Variants in MBNL2 observed in about 807,000 individuals in gnomAD.
MBNL2 encodes muscleblind-like protein 2.
A neutral mutation model predicts 41.9 loss-of-function variants in MBNL2; 17 were observed. The ratio of observed to expected loss-of-function variants is 0.41; its 90% CI spans 0.28 to 0.61. The LOEUF (loss-of-function observed/expected upper bound fraction) is 0.61. Ranked by LOEUF, MBNL2 falls within the 20% of genes least tolerant of loss-of-function variation. The pLI is 0.35. For missense variants in MBNL2, 336 were observed against 505.6 expected (o/e 0.66, Z 3.22); for synonymous variants, 195 against 182.9 (o/e 1.07, Z -0.53).
At chr13:97,382,601 G>C (rs1438425556) in intron 8 of MBNL2, among the ~76,000 whole-genome samples, 1 of 152,030 alleles carries the variant, frequency 6.6e-6, no homozygotes, top group Non-Finnish European at 1.5e-5. Context: ...CCTGCTTCTG[G>C]GTAGCCACCA....
chr13:97,253,495 G>C (rs2046960359), intron 1 of MBNL2, among the ~76,000 whole-genome samples: 1 of 152,090 alleles, frequency 6.6e-6, no homozygotes, highest in Non-Finnish European at 1.5e-5. Context: ...TTGATCCTTT[G>C]AGATAGACAC....
intron 5 of MBNL2, among the ~76,000 whole-genome samples, chr13:97,350,305 T>G (rs2062323452): frequency 6.6e-6 from 1 of 152,188 alleles, no homozygotes; most frequent in Non-Finnish European, 1.5e-5. Context: ...AGTCGTATCT[T>G]TTTGCTGGTG....
At chr13:97,173,322 T>C in the MBNL2 span, among the ~76,000 whole-genome samples, 2 of 152,232 alleles carry the variant, frequency 1.3e-5, no homozygotes, top group African/African-American at 4.8e-5. Flanking sequence ...CCAAGTGCTA[T>C]GTCAGGCAAA....
At chr13:97,256,546 A>C (rs969776116) in intron 1 of MBNL2, among the ~76,000 whole-genome samples, 1 of 152,158 alleles carries the variant, frequency 6.6e-6, no homozygotes, top group African/African-American at 2.4e-5. Context: ...ATCTCCGCCA[A>C]ATGCTGCAGG....
chr13:97,389,211 G>T (rs1185383183), intron 8 of MBNL2, among the ~76,000 whole-genome samples: 1 of 152,198 alleles, frequency 6.6e-6, no homozygotes, highest in Non-Finnish European at 1.5e-5. Context: ...ATTTATGTCT[G>T]TTCGTCAAAT....
rs149873559 is a variant in MBNL2 at position 97,254,189 on chromosome 13, A to G, written c.-604-21443A>G. 1.2e-3 allele frequency among the ~76,000 whole-genome samples: 186 copies of G among 152,310 alleles called. 1 individual carries two copies. Among genetic ancestry groups the G allele is most frequent in the African/African-American group, 4.1e-3 (170 of 41,572 alleles). ...GGCATAAGCCACCATGCCCAGCCCA[A>G]TGCAAATTTTTAAAATATGTAAAAT... On this transcript the variant is annotated intron_variant, in intron 1 of 8. Transcript: ENST00000679496.
the MBNL2 span, among the ~76,000 whole-genome samples, chr13:97,184,874 C>A: frequency 6.6e-6 from 1 of 152,152 alleles, no homozygotes; most frequent in Non-Finnish European, 1.5e-5. Context: ...GACACATATT[C>A]TTTGGCATGT....
intron 4 of MBNL2, among the ~76,000 whole-genome samples, chr13:97,343,778 T>C (rs1017997202): frequency 6.6e-6 from 1 of 152,170 alleles, no homozygotes; most frequent in Non-Finnish European, 1.5e-5. Flanking sequence ...CAGGGGAAAT[T>C]GGAGGATGAG....
chr13:97,174,273 C>G, the MBNL2 span, among the ~76,000 whole-genome samples: 1 of 152,138 alleles, frequency 6.6e-6, no homozygotes, highest in Non-Finnish European at 1.5e-5. Context: ...ACTCTACAGC[C>G]ATACTTTTCA....
chr13:97,239,676 G>C (rs1242332928), intron 1 of MBNL2, among the ~76,000 whole-genome samples: 2 of 152,232 alleles, frequency 1.3e-5, no homozygotes, highest in Non-Finnish European at 2.9e-5. Context: ...GCTGTGGACA[G>C]AGAGAAACTA....
At chr13:97,222,714 A>G (rs1027252005) in intron 1 of MBNL2, among the ~76,000 whole-genome samples, 183 bp downstream of exon 1, 1 of 152,208 alleles carries the variant, frequency 6.6e-6, no homozygotes, top group Non-Finnish European at 1.5e-5. Context: ...CAAAGCTTGA[A>G]TCTATGCCGC....
At chr13:97,282,497 TTGTC>T (rs2053630313) in intron 2 of MBNL2, among the ~76,000 whole-genome samples, 1 of 152,246 alleles carries the variant, frequency 6.6e-6, no homozygotes, top group Admixed American at 6.5e-5. Flanking sequence ...GTTTCTGTTT[TTGTC>T]TGTATATAAA....
chr13:97,206,548 C>A, the MBNL2 span, among the ~76,000 whole-genome samples: 8 of 152,030 alleles, frequency 5.3e-5, no homozygotes, highest in Admixed American at 5.2e-4. Flanking sequence ...ATTTTCTGAG[C>A]ACTAACTCCT....
intron 2 of MBNL2, among the ~76,000 whole-genome samples, chr13:97,289,004 A>T (rs1187703717): frequency 6.6e-6 from 1 of 152,224 alleles, no homozygotes; most frequent in Non-Finnish European, 1.5e-5. Flanking sequence ...GGGAAGGAGA[A>T]AAAGAAAATG....
rs141246935 is a variant in MBNL2 at position 97,301,376 on chromosome 13, G to T, written c.174+24967G>T. Among the ~76,000 whole-genome samples the T allele has an allele frequency of 5.4e-3, 830 of 152,312 alleles. 5 individuals carry two copies. The highest frequency in any genetic ancestry group is 7.6e-3 in the Non-Finnish European group (517 of 68,030). ...GATCCCCAGACTGGGAAGCAGAAGA[G>T]GTGGGATGTATGTTCAGAACTATTT... On this transcript the variant is annotated intron_variant, in intron 2 of 8. Coordinates refer to ENST00000679496, the MANE Select transcript of MBNL2 (RefSeq NM_001382683.1).
chr13:97,186,228 C>T, the MBNL2 span, among the ~76,000 whole-genome samples: 7 of 152,318 alleles, frequency 4.6e-5, no homozygotes, highest in Admixed American at 4.6e-4. Context: ...ACTTATTAGG[C>T]ATGCTACCGT....
chr13:97,185,435 C>T, the MBNL2 span, among the ~76,000 whole-genome samples: 3 of 152,154 alleles, frequency 2.0e-5, no homozygotes, highest in Admixed American at 2.0e-4. Flanking sequence ...GAATATGTTA[C>T]CTTACATGGA....
intron 2 of MBNL2, among the ~76,000 whole-genome samples, chr13:97,301,531 A>G (rs2057618383): frequency 1.3e-5 from 2 of 152,170 alleles, no homozygotes; most frequent in Admixed American, 1.3e-4. Flanking sequence ...ACAAGGAGGA[A>G]GGGAGGACAG....
the MBNL2 span, among the ~76,000 whole-genome samples, chr13:97,165,880 G>C: frequency 6.6e-6 from 1 of 152,192 alleles, no homozygotes; most frequent in African/African-American, 2.4e-5. Context: ...AATCTCCTCT[G>C]TATATCAAGA....
Sources: allele counts gnomAD v4.1 joint callset (sites outside exome capture counted in the v4.1 genomes callset), GRCh38; gene constraint gnomAD v4.1.1; transcripts MANE v1.5; gene names NCBI Gene and HGNC (gene_info 2026-07-23, HGNC 2026-07-21).